Variants in INO80 observed in about 807,000 individuals in gnomAD.
INO80 encodes INO80 complex ATPase subunit.
Under a neutral mutation model 203.4 loss-of-function variants are expected in INO80, and 20 were observed. The ratio of observed to expected loss-of-function variants is 0.10; its 90% CI spans 0.07 to 0.14. The LOEUF (loss-of-function observed/expected upper bound fraction) is 0.14, where lower values mean the gene tolerates loss of function less well. Among genes scored for constraint, INO80 ranks in the 10% least tolerant of loss-of-function variants. The probability of loss-of-function intolerance (pLI) is 1.00; values close to 1 mark genes in which losing one functional copy is unlikely to be tolerated. For missense variants in INO80, 1,419 were observed against 1,914.4 expected, an observed-to-expected ratio of 0.74 and a Z score of 4.83; for synonymous variants, 726 against 685.2, an observed-to-expected ratio of 1.06 and a Z score of -0.93.
chr15:41,053,278 TG>T (rs1309629886), intron 19 of INO80, among the ~76,000 whole-genome samples: 1 of 152,150 alleles, frequency 6.6e-6, no homozygotes, highest in Non-Finnish European at 1.5e-5. Context: ...GCTAATTTTT[TG>T]TATTTTTAGT....
In INO80 at chr15:40,980,255, C is replaced by T. The variant is rs1893768857; in HGVS notation, c.4639G>A (p.Gly1547Ser). The T allele has an allele frequency of 6.2e-7, 1 of 1,613,052 alleles. No homozygotes were observed. The highest frequency in any genetic ancestry group is 8.5e-7 in the Non-Finnish European group (1 of 1,180,036). The change falls in exon 36 of 36, where the codon GGC becomes AGC. Residue 1547 changes from glycine to serine, a missense_variant. Physicochemically the swap from Gly to Ser is moderately conservative, Grantham distance 56. Transcript: ENST00000648947. ...CCTCCAGAGGGGTTGGTGCCTTTGC[C>T]CTGTTTCCGGACCAGAGAGTCTGGG... is the stretch of plus-strand genomic sequence containing the variant. ...LAPDSLVRKQ[G>S]KGTNPSGGR
intron 1 of INO80, among the ~76,000 whole-genome samples, chr15:41,097,825 C>G (rs538873822): frequency 2.6e-5 from 4 of 151,476 alleles, no homozygotes; most frequent in African/African-American, 4.9e-5. Context: ...TGGTGGCAGG[C>G]GTCTGTAATC....
At chr15:41,090,043 T>C (rs2045612331) in intron 5 of INO80, among the ~76,000 whole-genome samples, 1 of 152,172 alleles carries the variant, frequency 6.6e-6, no homozygotes, top group Admixed American at 6.5e-5. Context: ...ATACCATCAT[T>C]ATTCAAAATA....
rs1220609101 is a variant in INO80, at chr15:41,031,614, G to GAGGGAGGA, written c.2908-3886_2908-3879dup. 4.5e-4 allele frequency among the ~76,000 whole-genome samples: 2 copies of GAGGGAGGA among 4,412 alleles called. 1 individual carries two copies. The highest frequency in any genetic ancestry group is 1.0e-3 in the African/African-American group (2 of 1,962). The allele number at this position is 4,412 out of a possible 152,430, so 2.9% of individuals were successfully genotyped here. A position where few individuals can be genotyped will look rare whatever the true frequency, so the allele number is the denominator to read the frequency against. ...GGGAGGGAGGGAGGGAGGAAGGGAG[G>GAGGGAGGA]AGGGAGGAAGGGAGGAAGGGAGGAA... is the stretch of plus-strand genomic sequence containing the variant. On this transcript the variant is annotated intron_variant, in intron 24 of 35. Transcript: ENST00000648947.
At chr15:41,113,362 G>A (rs1007136002) in intron 1 of INO80, among the ~76,000 whole-genome samples, 3 of 152,064 alleles carry the variant, frequency 2.0e-5, no homozygotes, top group East Asian at 1.9e-4. Flanking sequence ...CGCCTCCCGG[G>A]TTCAAGCGAT....
At chr15:41,110,080 C>T (rs754568950) in intron 1 of INO80, among the ~76,000 whole-genome samples, 1 of 146,660 alleles carries the variant, frequency 6.8e-6, no homozygotes, top group Admixed American at 6.8e-5. Context: ...GGGCAACAAG[C>T]GAAACTCCGT....
At chr15:41,015,774 T>TA (rs999539137) in intron 27 of INO80, among the ~76,000 whole-genome samples, 1,929 of 93,038 alleles carry the variant, frequency 0.021, 28 homozygotes, top group East Asian at 0.027. Context: ...CATCTCTACT[T>TA]AAAAAAAAAA....
chr15:41,113,216 A>G (rs1171056139), intron 1 of INO80, among the ~76,000 whole-genome samples: 1 of 151,694 alleles, frequency 6.6e-6, no homozygotes, highest in Non-Finnish European at 1.5e-5. Context: ...AGCCTAACCT[A>G]TTTAATGTGA....
intron 27 of INO80, among the ~76,000 whole-genome samples, chr15:41,013,967 A>G (rs762518043): frequency 1.3e-5 from 2 of 152,300 alleles, no homozygotes; most frequent in Non-Finnish European, 1.5e-5. Context: ...TAACCCAAAA[A>G]TAACTGTTGG....
intron 24 of INO80, among the ~76,000 whole-genome samples, chr15:41,039,003 A>T (rs1393701106): frequency 1.3e-5 from 2 of 152,230 alleles, no homozygotes; most frequent in East Asian, 3.8e-4. Flanking sequence ...CAAGCTTATT[A>T]TCTAAACCCG....
At chr15:41,055,387 A>G (rs1044895563) in intron 17 of INO80, 23 bp from the exon 18 acceptor site, 5 of 1,484,380 alleles carry the variant, frequency 3.4e-6, no homozygotes, top group Non-Finnish European at 3.7e-6. Flanking sequence ...ACAAAAATGA[A>G]ATAGCTATAG....
At chr15:41,063,825 A>C (rs1236300508) in intron 14 of INO80, among the ~76,000 whole-genome samples, 1 of 152,208 alleles carries the variant, frequency 6.6e-6, no homozygotes, top group Non-Finnish European at 1.5e-5. Flanking sequence ...GGAAGAAAAA[A>C]AGCCATGTAA....
At chr15:41,059,969 C>G in intron 14 of INO80, 43 bp from the exon 15 acceptor site, 1 of 1,259,690 alleles carries the variant, frequency 7.9e-7, no homozygotes, top group Non-Finnish European at 1.1e-6. Context: ...TATAGATGAT[C>G]TTAAAAGTAT....
chr15:41,114,708 CAAAA>C (rs760373123), intron 1 of INO80, among the ~76,000 whole-genome samples: 2 of 65,886 alleles, frequency 3.0e-5, no homozygotes, highest in Admixed American at 1.8e-4. Flanking sequence ...GACTCAGTCT[CAAAA>C]AAAAAAAAAA....
At chr15:41,054,211 A>G (rs2044941951) in intron 18 of INO80, among the ~76,000 whole-genome samples, 197 bp from the exon 19 acceptor site, 1 of 152,242 alleles carries the variant, frequency 6.6e-6, no homozygotes, top group African/African-American at 2.4e-5. Flanking sequence ...TATAGTCAAC[A>G]GGATAAATAT....
intron 10 of INO80, among the ~76,000 whole-genome samples, chr15:41,073,827 T>TGAAA (rs1278964514): frequency 6.6e-6 from 1 of 152,110 alleles, no homozygotes; most frequent in African/African-American, 2.4e-5. Context: ...TTATGATAGG[T>TGAAA]GAAACTATTT....
intron 1 of INO80, among the ~76,000 whole-genome samples, chr15:41,115,707 GC>G (rs1197794686): frequency 1.3e-5 from 2 of 152,098 alleles, no homozygotes; most frequent in Non-Finnish European, 2.9e-5. Flanking sequence ...ACGTGTGGGC[GC>G]CCCACGGGCT....
Position 41,072,020 on chromosome 15 carries a change from T to C in INO80, c.1434A>G (p.Ala478=), listed in dbSNP as rs1438398552. 6 of 1,603,124 alleles carry C rather than the reference T, an allele frequency of 3.7e-6. No homozygotes were observed. The highest frequency in any genetic ancestry group is 5.1e-6 in the Non-Finnish European group (6 of 1,177,058). The stretch of plus-strand genomic sequence containing the variant: ...ACTTGTTTGCTGCCCGTAGGGCAGC[T>C]GCTCGACTTTCTTTTGCATCTTCAT... ...SFDEDAKESR[A]AALRAANKSG... is the part of the protein sequence containing the mutation. The change falls in exon 12 of 36, where the codon GCA becomes GCG. Residue 478 remains alanine, a synonymous_variant. Transcript: ENST00000648947.
At chr15:40,993,496 G>A (rs969293325) in intron 29 of INO80, among the ~76,000 whole-genome samples, 11 of 152,088 alleles carry the variant, frequency 7.2e-5, no homozygotes, top group Non-Finnish European at 1.6e-4. Flanking sequence ...GGTGGCTCAC[G>A]CCTGTAATCC....
Sources: gnomAD v4.1 joint callset for allele counts (sites outside exome capture counted in the v4.1 genomes callset) on GRCh38, gnomAD v4.1.1 for gene constraint, MANE v1.5 for transcripts, NCBI Gene and HGNC (gene_info 2026-07-23, HGNC 2026-07-21) for gene names.